Variants in CPNE8 observed in about 807,000 individuals in gnomAD.
CPNE8 encodes copine 8.
Under a neutral mutation model 81.5 loss-of-function variants are expected in CPNE8, and 45 were observed. That is an observed-to-expected ratio of 0.55 (90% CI 0.44 to 0.71). The LOEUF (loss-of-function observed/expected upper bound fraction) is 0.71. Ranked by LOEUF, CPNE8 falls within the 30% of genes least tolerant of loss-of-function variation. CPNE8 has a pLI of 0.00. For missense variants in CPNE8, 594 were observed against 672.1 expected, an observed-to-expected ratio of 0.88 and a Z score of 1.28; for synonymous variants, 252 against 226.3, an observed-to-expected ratio of 1.11 and a Z score of -1.02.
intron 1 of CPNE8, among the ~76,000 whole-genome samples, chr12:38,899,263 G>C (rs1944427497): frequency 6.6e-6 from 1 of 152,132 alleles, no homozygotes; most frequent in East Asian, 1.9e-4. Flanking sequence ...ATTAGGTCAT[G>C]ATGATGGTGC....
At chr12:38,888,991 T>C (rs1944274049) in intron 1 of CPNE8, among the ~76,000 whole-genome samples, 1 of 152,250 alleles carries the variant, frequency 6.6e-6, no homozygotes, top group Non-Finnish European at 1.5e-5. Flanking sequence ...ACTTTCTATA[T>C]GCAATACACT....
At chr12:38,672,046 T>A (rs978073156) in intron 18 of CPNE8, among the ~76,000 whole-genome samples, 4 of 152,202 alleles carry the variant, frequency 2.6e-5, no homozygotes, top group African/African-American at 9.6e-5. Context: ...ACTTTTTATA[T>A]CTAAATTTGC....
chr12:38,808,580 A>G (rs993561313), intron 6 of CPNE8, among the ~76,000 whole-genome samples: 3 of 128,352 alleles, frequency 2.3e-5, no homozygotes, highest in African/African-American at 8.9e-5. Flanking sequence ...AAGAAGGGGA[A>G]CATCACACTC....
rs199569558 is a variant in CPNE8, at chr12:38,702,896, T to C, written c.940A>G (p.Ile314Val). The C allele has an allele frequency of 4.5e-5, 70 of 1,570,894 alleles. No individual in the cohort carries two copies. The highest frequency in any genetic ancestry group is 5.1e-5 in the Non-Finnish European group (59 of 1,156,150). Residue 314 changes from isoleucine to valine, a missense_variant, in exon 14 of 20, where the codon ATT becomes GTT. Transcript: ENST00000331366. ...TCACCGTTTGATGCTGTAAAATCAA[T>C]AGCCACTGTGAAATTGATTTGCGTC... ...GGTQINFTVA[I>V]DFTASNGNPA...
At chr12:38,841,466 T>C (rs1943466808) in intron 4 of CPNE8, among the ~76,000 whole-genome samples, 1 of 152,180 alleles carries the variant, frequency 6.6e-6, no homozygotes, top group Non-Finnish European at 1.5e-5. Flanking sequence ...TGACTTAAAC[T>C]AATTGTAAGA....
chr12:38,725,321 A>T (rs1192546620), intron 11 of CPNE8, among the ~76,000 whole-genome samples: 1 of 152,200 alleles, frequency 6.6e-6, no homozygotes, highest in Non-Finnish European at 1.5e-5. Context: ...GGATCTATTG[A>T]CCTCACTATT....
At chr12:38,790,648 C>T (rs1006295924) in intron 6 of CPNE8, among the ~76,000 whole-genome samples, 3 of 151,536 alleles carry the variant, frequency 2.0e-5, no homozygotes, top group Non-Finnish European at 4.4e-5. Flanking sequence ...GGGATGGATA[C>T]CATATTTTCC....
At chr12:38,724,153 C>CA (rs1940638968) in intron 12 of CPNE8, among the ~76,000 whole-genome samples, 1 of 151,868 alleles carries the variant, frequency 6.6e-6, no homozygotes, top group African/African-American at 2.4e-5. Context: ...TGGTTAAAAC[C>CA]AAAAAACCAA....
intron 1 of CPNE8, among the ~76,000 whole-genome samples, chr12:38,883,465 A>C (rs1232274447): frequency 6.6e-6 from 1 of 152,216 alleles, no homozygotes; most frequent in Non-Finnish European, 1.5e-5. Context: ...ACACAGAAAA[A>C]AGCAAGAGAA....
intron 16 of CPNE8, among the ~76,000 whole-genome samples, chr12:38,680,735 T>C (rs1247567868): frequency 1.3e-5 from 2 of 152,072 alleles, no homozygotes; most frequent in South Asian, 2.1e-4. Context: ...AGATAGATCA[T>C]GGGCTCCATA....
At chr12:38,770,531 A>T (rs545205600) in intron 7 of CPNE8, among the ~76,000 whole-genome samples, 13 of 152,332 alleles carry the variant, frequency 8.5e-5, no homozygotes, top group Non-Finnish European at 1.9e-4. Context: ...AAACATGAAA[A>T]ATTCATGTTG....
chr12:38,905,690 G>T (rs1944561124), upstream of CPNE8: 1 of 1,459,052 alleles, frequency 6.9e-7, no homozygotes, highest in Non-Finnish European at 9.1e-7. Context: ...GGGAGGAGGC[G>T]GACCTCCGCG....
chr12:38,906,332 C>CG (rs957875192), upstream of CPNE8: 56 of 533,436 alleles, frequency 1.0e-4, no homozygotes, highest in Admixed American at 2.0e-4. Context: ...CAAGTGGGGG[C>CG]GGGGGGGCGG....
intron 3 of CPNE8, among the ~76,000 whole-genome samples, chr12:38,852,805 T>C (rs910603507): frequency 6.6e-6 from 1 of 152,072 alleles, no homozygotes; most frequent in South Asian, 2.1e-4. Flanking sequence ...TTTTGGTATA[T>C]GTATAGCATA....
intron 4 of CPNE8, among the ~76,000 whole-genome samples, chr12:38,844,384 A>C (rs1468676581): frequency 6.6e-6 from 1 of 152,216 alleles, no homozygotes; most frequent in Non-Finnish European, 1.5e-5. Flanking sequence ...CCATGACAAC[A>C]AAATGGATTT....
At chr12:38,720,235 TG>T (rs1193789446) in intron 13 of CPNE8, among the ~76,000 whole-genome samples, 2 of 152,194 alleles carry the variant, frequency 1.3e-5, no homozygotes, top group Admixed American at 1.3e-4. Flanking sequence ...TCCTAAGGTT[TG>T]TAAGCAACAG....
chr12:38,675,024 A>G (rs956809429), intron 18 of CPNE8, among the ~76,000 whole-genome samples: 1 of 152,224 alleles, frequency 6.6e-6, no homozygotes, highest in African/African-American at 2.4e-5. Context: ...GGAATTTATC[A>G]GATGACTACG....
intron 14 of CPNE8, among the ~76,000 whole-genome samples, chr12:38,700,578 C>T (rs118138143): frequency 0.014 from 2,108 of 152,030 alleles, 20 homozygotes; most frequent in Non-Finnish European, 0.023. Flanking sequence ...TGAAAGTGCA[C>T]CGGACTTTGT....
chr12:38,677,631 TTAACAAACATTTTAA>T, intron 16 of CPNE8, 77 bp from the exon 17 acceptor site: 1 of 782,792 alleles, frequency 1.3e-6, no homozygotes, highest in Non-Finnish European at 2.2e-6. Flanking sequence ...TTTGGAATAG[TTAACAAACATTTTAA>T]TCTCAATAAA....
Sources: allele counts gnomAD v4.1 joint callset (sites outside exome capture counted in the v4.1 genomes callset), GRCh38; gene constraint gnomAD v4.1.1; transcripts MANE v1.5; gene names NCBI Gene and HGNC (gene_info 2026-07-23, HGNC 2026-07-21).